CPVL: variants seen among roughly 807,000 people sequenced by gnomAD.
The protein encoded by CPVL is carboxypeptidase vitellogenic like, also known as probable serine carboxypeptidase CPVL.
A neutral mutation model predicts 63.7 loss-of-function variants in CPVL; 51 were observed. That is an observed-to-expected ratio of 0.80 (90% CI 0.64 to 1.01). The LOEUF (loss-of-function observed/expected upper bound fraction) is 1.01, where lower values mean the gene tolerates loss of function less well. CPVL is among the 50% of genes least tolerant of loss of function. CPVL has a pLI of 0.00. For missense variants in CPVL, 530 were observed against 573.1 expected, an observed-to-expected ratio of 0.92 and a Z score of 0.77; for synonymous variants, 195 against 206.0, an observed-to-expected ratio of 0.95 and a Z score of 0.46.
chr7:29,064,315 C>CAT lies in CPVL; in HGVS notation c.964-83_964-82dup, dbSNP rs1387188060. 1.9e-5 allele frequency: 15 copies of CAT among 780,030 alleles called. No homozygotes were observed. The East Asian group carries it at 3.7e-4, about 19-fold the overall frequency. The allele number at this position is 780,030 out of a possible 1,614,324, so 48.3% of individuals were successfully genotyped here. A position where few individuals can be genotyped will look rare whatever the true frequency, so the allele number is the denominator to read the frequency against. On this transcript the variant is annotated intron_variant, in intron 10 of 12. Transcript: ENST00000265394. ...ATGTTGGGAAAAGCTGTGAATTTCT[C>CAT]ATAACATACAACATGGAGAAACGTG...
intron 3 of CPVL, among the ~76,000 whole-genome samples, chr7:29,101,555 A>C (rs1041363836): frequency 5.9e-5 from 9 of 152,242 alleles, no homozygotes; most frequent in Non-Finnish European, 1.3e-4. Flanking sequence ...AAATAGCGCC[A>C]CTGCACTCCA....
intron 5 of CPVL, among the ~76,000 whole-genome samples, chr7:29,161,235 A>G (rs1795137581): frequency 6.6e-6 from 1 of 152,082 alleles, no homozygotes; most frequent in African/African-American, 2.4e-5. Context: ...GTGCAGGGAA[A>G]CTGAAGCAAA....
intron 1 of CPVL, among the ~76,000 whole-genome samples, chr7:29,138,222 A>G (rs532436718): frequency 5.3e-5 from 8 of 152,246 alleles, no homozygotes; most frequent in African/African-American, 1.9e-4. Flanking sequence ...TAAGATCACC[A>G]GAGGTCAGGA....
At chr7:29,062,612 T>G (rs1488930096) in intron 11 of CPVL, among the ~76,000 whole-genome samples, 1 of 152,214 alleles carries the variant, frequency 6.6e-6, no homozygotes, top group Non-Finnish European at 1.5e-5. Context: ...TGGCATATTC[T>G]AAACCACAGT....
chr7:29,100,207 A>G (rs1209653301), intron 3 of CPVL, among the ~76,000 whole-genome samples: 1 of 152,178 alleles, frequency 6.6e-6, no homozygotes, highest in Non-Finnish European at 1.5e-5. Flanking sequence ...AACTGATTCC[A>G]GCGGATATCC....
upstream of CPVL, among the ~76,000 whole-genome samples, chr7:29,147,859 C>A (rs911158135): frequency 3.3e-5 from 5 of 152,198 alleles, no homozygotes; most frequent in African/African-American, 1.2e-4. Context: ...TACCTTCCTA[C>A]CTAGACAAAT....
At chr7:29,022,775 G>A (rs978811470) in intron 12 of CPVL, among the ~76,000 whole-genome samples, 2 of 152,250 alleles carry the variant, frequency 1.3e-5, no homozygotes, top group East Asian at 3.9e-4. Flanking sequence ...ACCAGTGCCT[G>A]TGGGCATTGT....
At chr7:29,140,250 C>T (rs891368665) in intron 1 of CPVL, among the ~76,000 whole-genome samples, 15 of 152,134 alleles carry the variant, frequency 9.9e-5, no homozygotes, top group African/African-American at 3.4e-4. Flanking sequence ...GACCAGCCTA[C>T]GCAATGTGGC....
chr7:29,154,693 G>A (rs905505334), intron 5 of CPVL, among the ~76,000 whole-genome samples: 3 of 152,098 alleles, frequency 2.0e-5, no homozygotes, highest in Non-Finnish European at 4.4e-5. Context: ...AAATTAGCCA[G>A]GTGTGGTGGC....
At chr7:29,088,684 C>G (rs1213717718) in intron 6 of CPVL, among the ~76,000 whole-genome samples, 1 of 152,130 alleles carries the variant, frequency 6.6e-6, no homozygotes, top group Non-Finnish European at 1.5e-5. Flanking sequence ...AGCAGATCTG[C>G]TAAACATATA....
At chr7:29,121,211 T>C (rs1789339546) in intron 1 of CPVL, 140 bp from the exon 2 acceptor site, 1 of 688,298 alleles carries the variant, frequency 1.5e-6, no homozygotes, top group Non-Finnish European at 2.3e-6. Context: ...GATAGCACCA[T>C]AAATAAGCAC....
intron 5 of CPVL, among the ~76,000 whole-genome samples, chr7:29,161,462 AT>A (rs1030803463): frequency 1.1e-4 from 16 of 152,144 alleles, no homozygotes; most frequent in African/African-American, 3.9e-4. Flanking sequence ...CCCTCTACTT[AT>A]CTCGAACCCC....
At chr7:29,186,217 C>T (rs568646105) in intron 2 of CPVL, among the ~76,000 whole-genome samples, 349 of 152,012 alleles carry the variant, frequency 2.3e-3, no homozygotes, top group African/African-American at 7.7e-3. Flanking sequence ...TATGAGTTCC[C>T]CAGAGCCTGG....
intron 1 of CPVL, among the ~76,000 whole-genome samples, chr7:29,144,669 G>C (rs1047553351): frequency 2.6e-5 from 4 of 152,186 alleles, no homozygotes; most frequent in Non-Finnish European, 5.9e-5. Flanking sequence ...CATTGCCTTA[G>C]TTCTGTGCAT....
intron 5 of CPVL, among the ~76,000 whole-genome samples, chr7:29,157,402 TATATTTA>T (rs1386297280): frequency 1.3e-5 from 2 of 152,024 alleles, no homozygotes; most frequent in Non-Finnish European, 2.9e-5. Context: ...ATTATTCCTC[TATATTTA>T]GAACTTCTCT....
chr7:29,143,231 G>A (rs1202921616), intron 1 of CPVL, among the ~76,000 whole-genome samples: 5 of 152,136 alleles, frequency 3.3e-5, no homozygotes, highest in Admixed American at 6.5e-5. Context: ...CCTATGCTCC[G>A]CCAAATCAAA....
intron 5 of CPVL, among the ~76,000 whole-genome samples, chr7:29,157,382 A>G (rs1794540234): frequency 6.6e-6 from 1 of 152,188 alleles, no homozygotes; most frequent in South Asian, 2.1e-4. Flanking sequence ...CTTGCAGTAA[A>G]CTGCTATCCA....
intron 7 of CPVL, among the ~76,000 whole-genome samples, chr7:29,083,252 G>C (rs1784910916): frequency 6.6e-6 from 1 of 152,194 alleles, no homozygotes; most frequent in Non-Finnish European, 1.5e-5. Context: ...TTGCAGATGT[G>C]CTTGCCAGCA....
chr7:29,090,665 G>A (rs1227889502), intron 6 of CPVL, among the ~76,000 whole-genome samples: 5 of 152,146 alleles, frequency 3.3e-5, no homozygotes, highest in Admixed American at 1.3e-4. Context: ...ACCAGCTAGT[G>A]TACTCCAAAT....
Sources: allele counts gnomAD v4.1 joint callset (sites outside exome capture counted in the v4.1 genomes callset), GRCh38; gene constraint gnomAD v4.1.1; transcripts MANE v1.5; gene names NCBI Gene and HGNC (gene_info 2026-07-23, HGNC 2026-07-21).